Variants in ZNF682 observed in about 807,000 individuals in gnomAD.
ZNF682 encodes zinc finger protein 682.
ZNF682 carries 29 observed loss-of-function variants against 36.5 expected under a neutral mutation model. The ratio of observed to expected loss-of-function variants is 0.80; its 90% CI spans 0.59 to 1.08. The LOEUF (loss-of-function observed/expected upper bound fraction) is 1.08. Among genes scored for constraint, ZNF682 ranks in the 50% least tolerant of loss-of-function variants. The probability of loss-of-function intolerance (pLI) is 0.00; values close to 1 mark genes in which losing one functional copy is unlikely to be tolerated. For missense variants in ZNF682, 561 were observed against 579.7 expected, an observed-to-expected ratio of 0.97 and a Z score of 0.33; for synonymous variants, 180 against 197.0, an observed-to-expected ratio of 0.91 and a Z score of 0.72.
intron 3 of ZNF682, among the ~76,000 whole-genome samples, chr19:20,021,191 G>A (rs555756066): frequency 6.6e-6 from 1 of 152,342 alleles, no homozygotes; most frequent in Non-Finnish European, 1.5e-5. Flanking sequence ...ATCCTGGACT[G>A]CATGCAGCCA....
chr19:20,037,597 G>GC (rs58319380), intron 1 of ZNF682, among the ~76,000 whole-genome samples: 113,632 of 152,012 alleles, frequency 0.75, 42,936 homozygotes, highest in Middle Eastern at 0.84. Context: ...ACATTTTCCC[G>GC]CCCCATCCTG....
chr19:20,021,501 A>C (rs189523674), intron 3 of ZNF682, among the ~76,000 whole-genome samples: 48 of 152,274 alleles, frequency 3.2e-4, no homozygotes, highest in African/African-American at 8.9e-4. Flanking sequence ...AGAAAACAAA[A>C]AACAACAACA....
chr19:19,995,744 T>C (rs2088125603), downstream of ZNF682, among the ~76,000 whole-genome samples: 1 of 149,146 alleles, frequency 6.7e-6, no homozygotes, highest in African/African-American at 2.5e-5. Context: ...CACCCATCTG[T>C]GAACACATGA....
At chr19:20,025,693 A>G (rs1020727290) in intron 1 of ZNF682, among the ~76,000 whole-genome samples, 11 of 152,092 alleles carry the variant, frequency 7.2e-5, no homozygotes, top group Non-Finnish European at 1.5e-4. Flanking sequence ...AAAGAAAAAA[A>G]AAAAAAGAAA....
chr19:20,039,115 G>T, intron 1 of ZNF682: 1 of 1,388,704 alleles, frequency 7.2e-7, no homozygotes, highest in Non-Finnish European at 9.3e-7. Context: ...GTGGGCTCCG[G>T]GCGGGAAGCG....
In ZNF682 at chr19:20,006,314, G is replaced by A; in HGVS notation, c.1188C>T (p.Pro396=). The A allele has an allele frequency of 6.2e-7, 1 of 1,612,910 alleles. No homozygotes were observed. The highest frequency in any genetic ancestry group is 1.7e-5 in the Admixed American group (1 of 59,976). ...KHKRIHTGEK[P]YKCEECGKAF... is the part of the protein sequence containing the mutation. ...CTTTGCCACATTCTTCACATTTGTAGGGTTTCTCTCCAGTGTGAATTCTCT... is the reference window on the plus strand; with the variant it reads ...CTTTGCCACATTCTTCACATTTGTAAGGTTTCTCTCCAGTGTGAATTCTCT... The change falls in exon 4 of 4, where the codon CCC becomes CCT. Residue 396 remains proline, a synonymous_variant. Coordinates refer to ENST00000397165, the MANE Select transcript of ZNF682 (RefSeq NM_033196.3).
downstream of ZNF682, among the ~76,000 whole-genome samples, chr19:19,996,394 G>A (rs2088129095): frequency 6.6e-6 from 1 of 152,174 alleles, no homozygotes; most frequent in Non-Finnish European, 1.5e-5. Flanking sequence ...CATGTTTATA[G>A]CAGCACTATT....
intron 1 of ZNF682, among the ~76,000 whole-genome samples, chr19:20,039,012 A>G (rs952172361): frequency 1.3e-5 from 2 of 152,216 alleles, no homozygotes; most frequent in Non-Finnish European, 2.9e-5. Context: ...TCCCACGCAC[A>G]AACCACACAC....
chr19:20,023,746 C>A (rs1033539484), intron 2 of ZNF682, among the ~76,000 whole-genome samples: 9 of 151,714 alleles, frequency 5.9e-5, no homozygotes, highest in African/African-American at 2.2e-4. Flanking sequence ...CTTCGGGAGG[C>A]CAAGGAGGGT....
chr19:20,007,224 T>A lies in ZNF682; in HGVS notation c.278A>T (p.Asp93Val), dbSNP rs747222267. The change falls in exon 4 of 4, where the codon GAT becomes GTT. Residue 93 changes from aspartate (D) to valine (V), a missense_variant. Coordinates refer to ENST00000397165, the MANE Select transcript of ZNF682 (RefSeq NM_033196.3). ...TCTCAGTATCACTTTTTGGAATGAA[T>A]CTTGCATGCACTGTTCTGGCAAAAG... ...EDLLPEQCMQ[D>V]SFQKVILRRY... 7 of 1,613,598 alleles carry A rather than the reference T, an allele frequency of 4.3e-6. 1 individual carries two copies. The South Asian group carries it at 6.6e-5, about 15-fold the overall frequency.
intron 3 of ZNF682, chr19:20,015,371 T>C: frequency 2.0e-6 from 2 of 984,924 alleles, no homozygotes; most frequent in Non-Finnish European, 2.4e-6. Flanking sequence ...GATAATTAAA[T>C]TGGTAATAAA....
intron 1 of ZNF682, among the ~76,000 whole-genome samples, chr19:20,030,178 T>G (rs970554771): frequency 2.6e-5 from 4 of 152,216 alleles, no homozygotes; most frequent in Non-Finnish European, 4.4e-5. Context: ...TTTTATAACA[T>G]ACAGTAACAA....
At chr19:20,014,443 T>C (rs2088317071) in intron 3 of ZNF682, among the ~76,000 whole-genome samples, 1 of 152,118 alleles carries the variant, frequency 6.6e-6, no homozygotes, top group Non-Finnish European at 1.5e-5. Context: ...CAATTTATAA[T>C]ATACAAATAA....
At chr19:20,008,476 G>A (rs1288108600) in intron 3 of ZNF682, among the ~76,000 whole-genome samples, 1 of 152,224 alleles carries the variant, frequency 6.6e-6, no homozygotes, top group African/African-American at 2.4e-5. Context: ...GGCTGCAGGT[G>A]CAATACTGGT....
downstream of ZNF682, among the ~76,000 whole-genome samples, chr19:20,001,411 T>A (rs554341493): frequency 1.9e-3 from 285 of 152,322 alleles, 1 homozygote; most frequent in Admixed American, 5.4e-3. Flanking sequence ...CAAGAACTGA[T>A]CCCCATATCC....
At chr19:20,026,375 C>G (rs892473226) in intron 1 of ZNF682, among the ~76,000 whole-genome samples, 1 of 152,168 alleles carries the variant, frequency 6.6e-6, no homozygotes, top group Non-Finnish European at 1.5e-5. Flanking sequence ...ACACATTCCC[C>G]TCTTCACTAA....
At position 20,006,439 on chromosome 19, in the gene ZNF682, T is replaced by G; in HGVS notation, c.1063A>C (p.Ile355Leu). Residue 355 changes from isoleucine to leucine, a missense_variant, in exon 4 of 4, where the codon ATT (isoleucine) becomes CTT (leucine). By Grantham distance (5) the Ile-to-Leu change is conservative (BLOSUM62 2). Coordinates refer to ENST00000397165, the MANE Select transcript of ZNF682 (RefSeq NM_033196.3). ...TGAATTACCTTATGTTCAGTAAGAA[T>G]TGATGATGAGTTAAAAGCTTTGCCA... ...ECGKAFNSSSILTEHKVIHSG... is the reference protein window; with the variant it reads ...ECGKAFNSSSLLTEHKVIHSG... 2 of 1,613,492 alleles carry G rather than the reference T, an allele frequency of 1.2e-6. No homozygotes were observed. Among genetic ancestry groups the G allele is most frequent in the Non-Finnish European group, 1.7e-6 (2 of 1,179,866 alleles).
At chr19:20,016,070 G>C (rs2088332147) in intron 3 of ZNF682, among the ~76,000 whole-genome samples, 4 of 152,110 alleles carry the variant, frequency 2.6e-5, no homozygotes, top group Admixed American at 2.0e-4. Flanking sequence ...TAGCACTTTG[G>C]GAAGCTGAGG....
chr19:20,029,695 A>G (rs576352977), intron 1 of ZNF682, among the ~76,000 whole-genome samples: 3 of 152,252 alleles, frequency 2.0e-5, no homozygotes, highest in East Asian at 3.9e-4. Flanking sequence ...AATTAAGTGT[A>G]GTTCAAAGGG....
Sources: allele counts gnomAD v4.1 joint callset (sites outside exome capture counted in the v4.1 genomes callset), GRCh38; gene constraint gnomAD v4.1.1; transcripts MANE v1.5; gene names NCBI Gene and HGNC (gene_info 2026-07-23, HGNC 2026-07-21).